Variants in ABCA4 observed in about 807,000 individuals in gnomAD.
ABCA4 encodes retinal-specific phospholipid-transporting ATPase ABCA4.
In ABCA4, 196 loss-of-function variants were observed where a neutral mutation model predicts 263.7. The ratio of observed to expected loss-of-function variants is 0.74; its 90% CI spans 0.66 to 0.84. The LOEUF is 0.84. Ranked by LOEUF, ABCA4 falls within the 40% of genes least tolerant of loss-of-function variation. ABCA4 has a pLI of 0.00. For synonymous variants in ABCA4, 1,133 were observed against 1,094.2 expected, an observed-to-expected ratio of 1.04 and a Z score of -0.70; for missense variants, 2,792 against 2,855.1, an observed-to-expected ratio of 0.98 and a Z score of 0.50.
intron 47 of ABCA4, among the ~76,000 whole-genome samples, chr1:93,998,713 A>ATTTAT (rs374404349): frequency 0.11 from 14,410 of 133,570 alleles, 857 homozygotes; most frequent in Middle Eastern, 0.19. Flanking sequence ...ATTTTATTTT[A>ATTTAT]TTTATTTTAT....
chr1:94,118,732 A>C (rs1570439731), intron 1 of ABCA4, among the ~76,000 whole-genome samples: 1 of 152,202 alleles, frequency 6.6e-6, no homozygotes, highest in Non-Finnish European at 1.5e-5. Flanking sequence ...CCTCAGCCCG[A>C]GTGGCTCCAT....
intron 4 of ABCA4, among the ~76,000 whole-genome samples, chr1:94,105,236 T>C (rs947294933): frequency 1.3e-5 from 2 of 152,238 alleles, no homozygotes; most frequent in Admixed American, 1.3e-4. Flanking sequence ...ATAACTGTTG[T>C]CTTGACCTGA....
At chr1:94,111,343 T>C (rs1193575080) in intron 3 of ABCA4, 95 bp downstream of exon 3, 1 of 1,508,918 alleles carries the variant, frequency 6.6e-7, no homozygotes, top group Non-Finnish European at 9.1e-7. Flanking sequence ...ACAAGAACAC[T>C]CAGTGCTCCA....
chr1:94,025,906 A>G (rs1660029322), intron 30 of ABCA4, among the ~76,000 whole-genome samples: 1 of 152,240 alleles, frequency 6.6e-6, no homozygotes, highest in Non-Finnish European at 1.5e-5. Context: ...TGGGTGGCAT[A>G]CAGATGACAC....
intron 26 of ABCA4, among the ~76,000 whole-genome samples, chr1:94,033,349 A>T (rs550330664): frequency 6.6e-6 from 1 of 150,398 alleles, no homozygotes; most frequent in South Asian, 2.1e-4. Context: ...CCTTGGGCCC[A>T]GGAGGTCAAG....
intron 6 of ABCA4, among the ~76,000 whole-genome samples, chr1:94,091,163 T>C (rs1661956066): frequency 6.6e-6 from 1 of 152,212 alleles, no homozygotes; most frequent in Non-Finnish European, 1.5e-5. Context: ...TTTGTGTGGT[T>C]AATACCCTTT....
At chr1:94,059,508 G>T (rs1661060452) in intron 14 of ABCA4, 1 of 152,238 alleles carries the variant, frequency 6.6e-6, no homozygotes, top group South Asian at 2.1e-4. Flanking sequence ...GAAAGGGCAA[G>T]ATTTGGCTTA....
At chr1:94,107,234 T>C (rs1662458051) in intron 4 of ABCA4, among the ~76,000 whole-genome samples, 1 of 152,078 alleles carries the variant, frequency 6.6e-6, no homozygotes, top group African/African-American at 2.4e-5. Context: ...GGAGCACACA[T>C]CTCCCAGAAG....
intron 11 of ABCA4, among the ~76,000 whole-genome samples, chr1:94,074,554 C>G (rs928485714): frequency 7.2e-5 from 11 of 152,322 alleles, no homozygotes; most frequent in African/African-American, 2.6e-4. Flanking sequence ...GCAAAAGAAA[C>G]TATCATTAGC....
rs4147832 is a variant in ABCA4 at position 94,069,105 on chromosome 1, C to T, written c.1555-5788G>A. ...TCACCCTGGCGGAAGAGGTTTGAGC[C>T]CTCTCCAGCGCAGGCAGCTGTGTTC... On this transcript the variant is annotated intron_variant, in intron 11 of 49. Coordinates refer to ENST00000370225, the MANE Select transcript of ABCA4 (RefSeq NM_000350.3). Among the ~76,000 whole-genome samples the T allele has an allele frequency of 6.0e-4, 92 of 152,306 alleles. 3 individuals are homozygous for T. The South Asian group carries it at 0.019, about 31-fold the overall frequency.
rs190166145 is a variant in ABCA4 at position 94,000,975 on chromosome 1, C to T, written c.6386+27G>A. ...GTGAGCAGGAGAGGATTCCCACCCACCTTCCCCAGCCCTGGGAATCTCTTG... is the reference window on the plus strand; with the variant it reads ...GTGAGCAGGAGAGGATTCCCACCCATCTTCCCCAGCCCTGGGAATCTCTTG... On this transcript the variant is annotated intron_variant, in intron 46 of 49. Coordinates refer to ENST00000370225, the MANE Select transcript of ABCA4 (RefSeq NM_000350.3). The T allele has an allele frequency of 1.2e-3, 1,980 of 1,614,044 alleles. 10 individuals are homozygous for T. Among genetic ancestry groups the T allele is most frequent in the Non-Finnish European group, 1.0e-3 (1,187 of 1,179,902 alleles).
At chr1:93,999,781 AC>A (rs918446283) in intron 47 of ABCA4, among the ~76,000 whole-genome samples, 11 of 151,730 alleles carry the variant, frequency 7.2e-5, no homozygotes, top group Admixed American at 7.2e-4. Flanking sequence ...CTCCCCTCTC[AC>A]CCCCTCTATC....
At chr1:94,011,023 T>G (rs370154691) in intron 39 of ABCA4, 94 bp from the exon 40 acceptor site, 7 of 1,605,712 alleles carry the variant, frequency 4.4e-6, no homozygotes, top group Non-Finnish European at 5.1e-6. Flanking sequence ...AGGCCTTATG[T>G]GGGAACTGAG....
rs549409094 is a variant in ABCA4 at position 93,997,113 on chromosome 1, T to C, written c.6729+748A>G. Among the ~76,000 whole-genome samples, 9 of 152,364 alleles carry C rather than the reference T, an allele frequency of 5.9e-5. No homozygotes were observed. In the South Asian group the frequency reaches 1.9e-3, roughly 32 times the overall value. On this transcript the variant is annotated intron_variant, in intron 48 of 49. Transcript: ENST00000370225. ...GTAAATGTACTTAGTGCCACTGCAC[T>C]GTGCACTTAAACATGGTTGGCATGG...
chr1:94,069,216 C>T (rs536087327), intron 11 of ABCA4, among the ~76,000 whole-genome samples: 47 of 152,338 alleles, frequency 3.1e-4, no homozygotes, highest in African/African-American at 1.1e-3. Flanking sequence ...CAGCAGGCTT[C>T]CTTCTTTAAC....
chr1:94,071,690 C>T (rs917795104), intron 11 of ABCA4, among the ~76,000 whole-genome samples: 3 of 152,186 alleles, frequency 2.0e-5, no homozygotes, highest in African/African-American at 7.2e-5. Context: ...CAATATCAGT[C>T]CACCCTATGA....
Position 94,008,882 on chromosome 1 carries a change from A to T in ABCA4, c.5715-11T>A, listed in dbSNP as rs771620653. The T allele has an allele frequency of 3.1e-6, 5 of 1,611,440 alleles. No homozygotes were observed. The highest frequency in any genetic ancestry group is 4.2e-6 in the Non-Finnish European group (5 of 1,179,884). ...GTGGGCTCGGCAATCCTAGATGAAG[A>T]AAAGGGGTCAGGATTGGGCTGGCTG... On this transcript the variant is annotated splice_polypyrimidine_tract_variant and intron_variant, in intron 40 of 49. Transcript: ENST00000370225.
chr1:94,047,234 C>A (rs1474365830), intron 18 of ABCA4, 141 bp from the exon 19 acceptor site: 1 of 880,988 alleles, frequency 1.1e-6, no homozygotes, highest in African/African-American at 1.7e-5. Flanking sequence ...AGGAAGACTC[C>A]AGAATAATAA....
intron 36 of ABCA4, among the ~76,000 whole-genome samples, chr1:94,017,910 G>C (rs1323949275): frequency 6.6e-6 from 1 of 152,226 alleles, no homozygotes; most frequent in Non-Finnish European, 1.5e-5. Flanking sequence ...CATCATATAT[G>C]TGCTAAGTGA....
Sources: gnomAD v4.1 joint callset for allele counts (sites outside exome capture counted in the v4.1 genomes callset) on GRCh38, gnomAD v4.1.1 for gene constraint, MANE v1.5 for transcripts, NCBI Gene and HGNC (gene_info 2026-07-23, HGNC 2026-07-21) for gene names.